Variants in SPAG9 observed in about 807,000 individuals in gnomAD.
SPAG9 encodes C-Jun-amino-terminal kinase-interacting protein 4.
A neutral mutation model predicts 166.5 loss-of-function variants in SPAG9; 35 were observed. That is an observed-to-expected ratio of 0.21 (90% confidence interval 0.16 to 0.28). SPAG9 has a LOEUF of 0.28. Among genes scored for constraint, SPAG9 ranks in the 10% least tolerant of loss-of-function variants. The probability of loss-of-function intolerance (pLI) is 1.00; values close to 1 mark genes in which losing one functional copy is unlikely to be tolerated. For synonymous variants in SPAG9, 534 were observed against 565.5 expected, an observed-to-expected ratio of 0.94 and a Z score of 0.79; for missense variants, 1,235 against 1,603.3, an observed-to-expected ratio of 0.77 and a Z score of 3.92.
At chr17:51,044,652 C>T (rs902297704) in intron 4 of SPAG9, among the ~76,000 whole-genome samples, 6 of 152,122 alleles carry the variant, frequency 3.9e-5, no homozygotes, top group Non-Finnish European at 5.9e-5. Context: ...TTTACATTAT[C>T]GCATTTAATC....
In SPAG9 at chr17:51,076,993, T is replaced by TCTAGCTATCTAGCTAGCTAG. The variant is rs1322076257; in HGVS notation, c.424+2571_424+2590dup. ...TCTATCTATCTATCTTATCTAGCTA[T>TCTAGCTATCTAGCTAGCTAG]CTAGCTATCTAGCTAGCTAGCTAGC... On this transcript the variant is annotated intron_variant, in intron 2 of 29. Transcript: ENST00000262013. Among the ~76,000 whole-genome samples, 10 of 85,864 alleles carry TCTAGCTATCTAGCTAGCTAG rather than the reference T, an allele frequency of 1.2e-4. No individual in the cohort carries two copies. The East Asian group carries it at 1.5e-3, about 13-fold the overall frequency. The allele number at this position is 85,864 out of a possible 152,430, so 56.3% of individuals were successfully genotyped here.
intron 1 of SPAG9, among the ~76,000 whole-genome samples, chr17:51,102,006 A>G (rs1322356003): frequency 6.6e-6 from 1 of 152,160 alleles, no homozygotes; most frequent in Admixed American, 6.6e-5. Flanking sequence ...TTTCTTTAGA[A>G]CAAATGTTTT....
rs1309334446 is a variant in SPAG9 at position 51,099,746 on chromosome 17, ATTC to A, written c.304-20045_304-20043del. The stretch of plus-strand genomic sequence containing the variant: ...CAACACTTGACTCTGTTATGAAAAT[ATTC>A]TTCTATTACTAAAAAAAAAAAAAAA... On this transcript the variant is annotated intron_variant, in intron 1 of 29. Transcript: ENST00000262013. Among the ~76,000 whole-genome samples, 5 of 127,504 alleles carry A rather than the reference ATTC, an allele frequency of 3.9e-5. 1 individual carries two copies. Among genetic ancestry groups the A allele is most frequent in the East Asian group, 4.9e-4 (2 of 4,078 alleles). The allele number at this position is 127,504 out of a possible 152,430, so 83.6% of individuals were successfully genotyped here. A position where few individuals can be genotyped will look rare whatever the true frequency, so the allele number is the denominator to read the frequency against.
Position 51,014,273 on chromosome 17 carries a change from G to A in SPAG9, c.1172C>T (p.Ser391Leu), listed in dbSNP as rs533960423. The A allele has an allele frequency of 1.2e-6, 2 of 1,613,518 alleles. No homozygotes were observed. Among genetic ancestry groups the A allele is most frequent in the African/African-American group, 2.7e-5 (2 of 75,032 alleles). ...TTCATCCACATCTCCTATTAGGCCTGAGCCAGCTGAAGACAGTTCTTCAAA... is the reference window on the plus strand; with the variant it reads ...TTCATCCACATCTCCTATTAGGCCTAAGCCAGCTGAAGACAGTTCTTCAAA... ...SLFEELSSAGSGLIGDVDEGA... is the reference protein window; with the variant it reads ...SLFEELSSAGLGLIGDVDEGA... Residue 391 changes from serine to leucine, a missense_variant, in exon 9 of 30, where the codon TCA becomes TTA. Around this residue, in one of 6 missense-constraint regions of SPAG9, gnomAD observed 288 missense variants for 323.7 expected, o/e 0.89. Coordinates refer to ENST00000262013, the MANE Select transcript of SPAG9 (RefSeq NM_001130528.3).
chr17:51,019,713 G>A (rs1439903062), intron 8 of SPAG9, among the ~76,000 whole-genome samples: 1 of 152,100 alleles, frequency 6.6e-6, no homozygotes, highest in Non-Finnish European at 1.5e-5. Flanking sequence ...TAAGCCAGGC[G>A]TGGTGGCACA....
chr17:51,030,562 A>C (rs1419630437), intron 6 of SPAG9, among the ~76,000 whole-genome samples: 1 of 152,212 alleles, frequency 6.6e-6, no homozygotes, highest in Non-Finnish European at 1.5e-5. Flanking sequence ...GGCATAAAAG[A>C]GTTACAAAAT....
chr17:51,024,741 T>G (rs2046086541), intron 6 of SPAG9, among the ~76,000 whole-genome samples: 1 of 150,532 alleles, frequency 6.6e-6, no homozygotes, highest in African/African-American at 2.5e-5. Context: ...TGTACAATAC[T>G]TCATGTATGC....
chr17:50,975,267 T>A (rs988932599), intron 27 of SPAG9: 1 of 261,288 alleles, frequency 3.8e-6, no homozygotes, highest in African/African-American at 2.3e-5. Context: ...TTTCTTGTTT[T>A]GTTTTTAATG....
At chr17:51,096,358 C>CA (rs1168101019) in intron 1 of SPAG9, among the ~76,000 whole-genome samples, 2 of 149,986 alleles carry the variant, frequency 1.3e-5, no homozygotes, top group Non-Finnish European at 1.5e-5. Context: ...CAAAAAAAAA[C>CA]AAAAAAAAGA....
At chr17:51,076,496 G>A (rs1422315438) in intron 2 of SPAG9, among the ~76,000 whole-genome samples, 1 of 152,084 alleles carries the variant, frequency 6.6e-6, no homozygotes, top group Non-Finnish European at 1.5e-5. Context: ...AGTACTTTGG[G>A]AGGCCGAGGC....
chr17:51,040,870 T>C (rs929361221), intron 5 of SPAG9, among the ~76,000 whole-genome samples: 1 of 152,224 alleles, frequency 6.6e-6, no homozygotes, highest in South Asian at 2.1e-4. Flanking sequence ...ATCAATATGA[T>C]GAATATTTCA....
rs1259179734 is a variant in SPAG9 at position 51,041,740 on chromosome 17, T to C, written c.591-89A>G. ...ATAAGTAATAAGCCTGGACTGCCAC[T>C]GTTTTACAACCATCACTCAAAAATG... On this transcript the variant is annotated intron_variant, in intron 4 of 29. Coordinates refer to ENST00000262013, the MANE Select transcript of SPAG9 (RefSeq NM_001130528.3). The C allele has an allele frequency of 4.9e-6, 6 of 1,224,472 alleles. No homozygotes were observed. The Admixed American group carries it at 1.2e-4, about 24-fold the overall frequency. 75.9% of individuals were successfully genotyped at this position (1,224,472 alleles called of 1,614,324 possible).
intron 25 of SPAG9, among the ~76,000 whole-genome samples, chr17:50,980,593 G>A (rs751672838): frequency 3.3e-5 from 5 of 151,766 alleles, no homozygotes; most frequent in African/African-American, 7.3e-5. Context: ...CAGGCTGGGC[G>A]CTGGTGGCTC....
At chr17:50,968,567 C>T (rs988466861) in intron 29 of SPAG9, among the ~76,000 whole-genome samples, 1 of 151,958 alleles carries the variant, frequency 6.6e-6, no homozygotes, top group East Asian at 1.9e-4. Flanking sequence ...CCCGTCTCTA[C>T]TAAAAATACA....
rs1974467263 is a variant in SPAG9 at position 50,979,883 on chromosome 17, T to C, written c.3272A>G (p.Gln1091Arg). The C allele has an allele frequency of 6.2e-7, 1 of 1,614,064 alleles. No homozygotes were observed. The highest frequency in any genetic ancestry group is 8.5e-7 in the Non-Finnish European group (1 of 1,180,006). ...SFDAHPRKESQVRQLAWVGDG... is the reference protein window; with the variant it reads ...SFDAHPRKESRVRQLAWVGDG... The stretch of plus-strand genomic sequence containing the variant: ...CCCCACCCACGCAAGCTGTCGCACT[T>C]GGCTCTCCTTCCTGGGATGTGCATC... Residue 1091 changes from glutamine to arginine, a missense_variant, in exon 26 of 30, where the codon CAA (glutamine) becomes CGA (arginine). By Grantham distance (43) the Gln-to-Arg change is conservative. Coordinates refer to ENST00000262013, the MANE Select transcript of SPAG9 (RefSeq NM_001130528.3).
intron 6 of SPAG9, among the ~76,000 whole-genome samples, chr17:51,025,953 G>A (rs975724979): frequency 2.6e-5 from 4 of 152,144 alleles, no homozygotes; most frequent in African/African-American, 9.7e-5. Context: ...AAACAGTGTT[G>A]ATGAAAGCAC....
chr17:51,083,544 T>TTTATTTA (rs2048227447), intron 1 of SPAG9, among the ~76,000 whole-genome samples: 1 of 26,584 alleles, frequency 3.8e-5, no homozygotes, highest in South Asian at 8.4e-4. Context: ...GCCTCTTTAT[T>TTTATTTA]TTATTTATTT....
intron 22 of SPAG9, 86 bp from the exon 23 acceptor site, chr17:50,985,864 A>G: frequency 1.4e-6 from 1 of 720,238 alleles, no homozygotes; most frequent in Non-Finnish European, 2.3e-6. Flanking sequence ...GTTCATTCAG[A>G]AGGAAAGAAG....
At chr17:51,015,995 A>C (rs950422607) in intron 8 of SPAG9, among the ~76,000 whole-genome samples, 22 of 152,166 alleles carry the variant, frequency 1.4e-4, no homozygotes, top group African/African-American at 5.1e-4. Context: ...AATTTTTAAA[A>C]AATCAAGAAA....
Sources: gnomAD v4.1 joint callset for allele counts (sites outside exome capture counted in the v4.1 genomes callset) on GRCh38, gnomAD v4.1.1 for gene constraint, gnomAD v4.1.1 regional missense constraint, MANE v1.5 for transcripts, NCBI Gene and HGNC (gene_info 2026-07-23, HGNC 2026-07-21) for gene names.